Variants in EYA2 observed in about 807,000 individuals in gnomAD.
The protein encoded by EYA2 is protein phosphatase EYA2.
A neutral mutation model predicts 69.2 loss-of-function variants in EYA2; 31 were observed. That is an observed-to-expected ratio of 0.45 (90% CI 0.34 to 0.60). The LOEUF is 0.60. Ranked by LOEUF, EYA2 falls within the 20% of genes least tolerant of loss-of-function variation. The probability of loss-of-function intolerance (pLI) is 0.02; values close to 1 mark genes in which losing one functional copy is unlikely to be tolerated. For synonymous variants in EYA2, 257 were observed against 279.4 expected, an observed-to-expected ratio of 0.92 and a Z score of 0.80; for missense variants, 622 against 701.2, an observed-to-expected ratio of 0.89 and a Z score of 1.28.
chr20:47,058,531 C>A (rs2030743562), intron 5 of EYA2, among the ~76,000 whole-genome samples: 1 of 152,046 alleles, frequency 6.6e-6, no homozygotes, highest in Non-Finnish European at 1.5e-5. Context: ...CTGGGGGAGT[C>A]AGTAGGAGAG....
At chr20:47,043,050 A>G (rs976796960) in intron 5 of EYA2, among the ~76,000 whole-genome samples, 16 of 152,208 alleles carry the variant, frequency 1.1e-4, no homozygotes, top group African/African-American at 3.4e-4. Flanking sequence ...TTAAAGAAGG[A>G]AAGGCGAGAG....
chr20:46,986,388 G>GATATATATAGATCTATATAATATCTAT (rs1981196331), intron 1 of EYA2, among the ~76,000 whole-genome samples: 2 of 66,040 alleles, frequency 3.0e-5, no homozygotes, highest in African/African-American at 5.9e-5. Context: ...ATTATATATC[G>GATATATATAGATCTATATAATATCTAT]ATATATAATA....
chr20:46,992,132 A>T (rs1216555138), intron 2 of EYA2, among the ~76,000 whole-genome samples: 1 of 152,092 alleles, frequency 6.6e-6, no homozygotes, highest in Non-Finnish European at 1.5e-5. Flanking sequence ...GCCAGGCACT[A>T]TTCAAAGCAA....
intron 1 of EYA2, chr20:46,978,557 C>T (rs1469369923): frequency 5.6e-6 from 3 of 534,606 alleles, no homozygotes; most frequent in South Asian, 1.4e-5. Context: ...AAGGAGAAGC[C>T]AGATCAAGGC....
chr20:47,166,421 A>G (rs1215712409), intron 10 of EYA2, among the ~76,000 whole-genome samples: 1 of 143,630 alleles, frequency 7.0e-6, no homozygotes, highest in Non-Finnish European at 1.5e-5. Context: ...AAAAAAAAAA[A>G]AAAAAAAAAA....
rs1978370793 is a variant in EYA2, at chr20:46,945,057, T to C, written c.-10-44944T>C. 2.7e-5 allele frequency among the ~76,000 whole-genome samples: 4 copies of C among 150,728 alleles called. No individual in the cohort carries two copies. In the South Asian group the frequency reaches 8.4e-4, roughly 31 times the overall value. ...AGGTAGAGGTTGCAGTGAGCCTAGA[T>C]CAAGCCACTCCACTCCAGCCTGAGT... On this transcript the variant is annotated intron_variant, in intron 1 of 15. Transcript: ENST00000327619.
chr20:47,108,302 A>G (rs1034210978), intron 9 of EYA2, among the ~76,000 whole-genome samples: 1 of 151,992 alleles, frequency 6.6e-6, no homozygotes, highest in African/African-American at 2.4e-5. Flanking sequence ...CGTTGTTGAA[A>G]AGAGCCTGGC....
chr20:47,181,256 G>T (rs1440769898), intron 14 of EYA2, among the ~76,000 whole-genome samples: 1 of 152,204 alleles, frequency 6.6e-6, no homozygotes, highest in South Asian at 2.1e-4. Flanking sequence ...ACAGACAGAG[G>T]TGAGTGATCC....
intron 8 of EYA2, among the ~76,000 whole-genome samples, chr20:47,093,672 C>T (rs747333932): frequency 3.9e-5 from 6 of 152,232 alleles, no homozygotes; most frequent in Non-Finnish European, 7.3e-5. Context: ...TGGGCACCAG[C>T]GCCTGCACAA....
At chr20:47,039,771 A>T (rs1043401923) in intron 5 of EYA2, among the ~76,000 whole-genome samples, 1 of 142,726 alleles carries the variant, frequency 7.0e-6, no homozygotes, top group Non-Finnish European at 1.5e-5. Context: ...TGACTGTGGG[A>T]TATTTTTTCG....
intron 10 of EYA2, among the ~76,000 whole-genome samples, chr20:47,146,577 G>GTT (rs1480920585): frequency 6.6e-6 from 1 of 152,192 alleles, no homozygotes; most frequent in African/African-American, 2.4e-5. Context: ...TTGAAACCAC[G>GTT]TTATACGATG....
intron 5 of EYA2, among the ~76,000 whole-genome samples, chr20:47,025,190 A>G (rs1032581247): frequency 6.6e-6 from 1 of 152,126 alleles, no homozygotes; most frequent in Admixed American, 6.6e-5. Context: ...TATTATTTAC[A>G]TTTTTATTTT....
intron 9 of EYA2, among the ~76,000 whole-genome samples, chr20:47,131,367 G>T (rs1263052739): frequency 6.6e-6 from 1 of 152,128 alleles, no homozygotes; most frequent in Non-Finnish European, 1.5e-5. Flanking sequence ...CTAGGCGGAG[G>T]TGCCACACCT....
intron 2 of EYA2, among the ~76,000 whole-genome samples, chr20:46,999,412 C>T (rs556132576): frequency 1.6e-4 from 25 of 152,160 alleles, no homozygotes; most frequent in African/African-American, 5.8e-4. Flanking sequence ...CTACTGTGTG[C>T]CAGGGGCTTT....
chr20:47,025,824 C>T (rs865836918), intron 5 of EYA2, among the ~76,000 whole-genome samples: 2 of 152,196 alleles, frequency 1.3e-5, no homozygotes, highest in African/African-American at 4.8e-5. Context: ...AAAAACTCAT[C>T]GACCCAGTGT....
chr20:47,086,121 C>A (rs1216085898), intron 7 of EYA2, among the ~76,000 whole-genome samples: 1 of 152,166 alleles, frequency 6.6e-6, no homozygotes, highest in African/African-American at 2.4e-5. Context: ...TGACCTTGAA[C>A]TTTTACTCTG....
intron 10 of EYA2, among the ~76,000 whole-genome samples, chr20:47,152,275 T>G (rs2033837799): frequency 6.6e-6 from 1 of 152,018 alleles, no homozygotes; most frequent in Non-Finnish European, 1.5e-5. Flanking sequence ...ATGTTTGCCC[T>G]GGATTATTCC....
intron 5 of EYA2, among the ~76,000 whole-genome samples, chr20:47,068,425 C>T (rs1241334822): frequency 1.3e-5 from 2 of 152,224 alleles, no homozygotes; most frequent in Admixed American, 1.3e-4. Context: ...TTTGCCTTCC[C>T]TCTTTGTGCC....
intron 8 of EYA2, among the ~76,000 whole-genome samples, chr20:47,091,932 C>T (rs2032099481): frequency 6.6e-6 from 1 of 152,170 alleles, no homozygotes; most frequent in Non-Finnish European, 1.5e-5. Flanking sequence ...TCCAAGAAGA[C>T]AGTATCCCAG....
Sources: gnomAD v4.1 joint callset for allele counts (sites outside exome capture counted in the v4.1 genomes callset) on GRCh38, gnomAD v4.1.1 for gene constraint, MANE v1.5 for transcripts, NCBI Gene and HGNC (gene_info 2026-07-23, HGNC 2026-07-21) for gene names.